The following ATF6 variants were observed in gnomAD, a reference collection of about 807,000 sequenced individuals.
ATF6 encodes activating transcription factor 6.
ATF6 carries 53 observed loss-of-function variants against 83.6 expected under a neutral mutation model. That is an observed-to-expected ratio of 0.63 (90% CI 0.51 to 0.80). The LOEUF (loss-of-function observed/expected upper bound fraction) is 0.80. Among genes scored for constraint, ATF6 ranks in the 30% least tolerant of loss-of-function variants. The pLI is 0.00. For missense variants in ATF6, 744 were observed against 797.9 expected (o/e 0.93, Z 0.81); for synonymous variants, 288 against 285.8 (o/e 1.01, Z -0.08).
At chr1:161,875,048 T>C (rs975541015) in intron 14 of ATF6, among the ~76,000 whole-genome samples, 3 of 151,736 alleles carry the variant, frequency 2.0e-5, no homozygotes, top group Non-Finnish European at 4.4e-5. Context: ...AAAGAAACAT[T>C]AATGAGAAGA....
In ATF6 at chr1:161,797,980, C is replaced by T. The variant is rs111766417; in HGVS notation, c.689-4072C>T. 3.3e-3 allele frequency among the ~76,000 whole-genome samples: 506 copies of T among 152,204 alleles called. 4 individuals carry two copies. The highest frequency in any genetic ancestry group is 9.6e-3 in the African/African-American group (398 of 41,526). ...CTGGTATAAAAACAGGCACATAGAC[C>T]GATGGATTAGATTAGAGAACCCAGA... On this transcript the variant is annotated intron_variant, in intron 6 of 15. Coordinates refer to ENST00000367942, the MANE Select transcript of ATF6 (RefSeq NM_007348.4).
intron 7 of ATF6, among the ~76,000 whole-genome samples, chr1:161,818,367 CA>C (rs919972956): frequency 6.6e-6 from 1 of 152,118 alleles, no homozygotes; most frequent in African/African-American, 2.4e-5. Flanking sequence ...ATTTAGAAAA[CA>C]TAACAAAAAT....
intron 15 of ATF6, among the ~76,000 whole-genome samples, chr1:161,936,524 A>G (rs973427093): frequency 5.9e-5 from 9 of 152,116 alleles, no homozygotes; most frequent in African/African-American, 9.6e-5. Flanking sequence ...TCTCTGTTCT[A>G]CCCTATCTCT....
In ATF6 at chr1:161,804,705, C is replaced by T. The variant is rs148402970; in HGVS notation, c.909+2433C>T. On this transcript the variant is annotated intron_variant, in intron 7 of 15. Transcript: ENST00000367942. ...TTTTTTTTTTCTACTTTTAGGCTTA[C>T]TATCTGAATAATGAGCATCTTAATG... Among the ~76,000 whole-genome samples the T allele has an allele frequency of 7.5e-3, 1,129 of 150,580 alleles. 9 individuals carry two copies. Among genetic ancestry groups the T allele is most frequent in the Middle Eastern group, 0.017 (5 of 294 alleles).
At chr1:161,926,807 C>A (rs146354257) in intron 15 of ATF6, among the ~76,000 whole-genome samples, 157 of 152,166 alleles carry the variant, frequency 1.0e-3, no homozygotes, top group African/African-American at 3.7e-3. Flanking sequence ...GCAGAACACT[C>A]CACCTAGAAA....
At chr1:161,854,898 C>A (rs1686724613) in intron 12 of ATF6, among the ~76,000 whole-genome samples, 1 of 151,700 alleles carries the variant, frequency 6.6e-6, no homozygotes, top group South Asian at 2.1e-4. Context: ...AGGGGAAAAT[C>A]TGGAGAAAGA....
chr1:161,815,499 G>A (rs575837816), intron 7 of ATF6, among the ~76,000 whole-genome samples: 8 of 151,758 alleles, frequency 5.3e-5, no homozygotes, highest in African/African-American at 1.9e-4. Flanking sequence ...CTCCTATCTA[G>A]TATTATATCT....
At chr1:161,928,627 T>TTA (rs113986774) in intron 15 of ATF6, among the ~76,000 whole-genome samples, 17 of 151,240 alleles carry the variant, frequency 1.1e-4, no homozygotes, top group African/African-American at 3.2e-4. Context: ...GCCTTTTTTT[T>TTA]AAAAAAAAAA....
intron 7 of ATF6, among the ~76,000 whole-genome samples, chr1:161,813,471 T>C (rs1489756770): frequency 6.6e-6 from 1 of 152,204 alleles, no homozygotes; most frequent in African/African-American, 2.4e-5. Flanking sequence ...GGCTTTAAAC[T>C]TTTTTGTACA....
chr1:161,888,455 TTGAA>T (rs1281641218), intron 14 of ATF6, among the ~76,000 whole-genome samples: 1 of 152,194 alleles, frequency 6.6e-6, no homozygotes. Context: ...TTCCCCTAGC[TTGAA>T]TGTAGTAAAT....
chr1:161,777,810 G>A (rs16843981), intron 1 of ATF6, among the ~76,000 whole-genome samples: 1,983 of 152,242 alleles, frequency 0.013, 49 homozygotes, highest in African/African-American at 0.044. Context: ...CTTAAGGCAT[G>A]GATAACAAAT....
chr1:161,941,342 C>G (rs1688638231), intron 15 of ATF6, among the ~76,000 whole-genome samples: 1 of 152,180 alleles, frequency 6.6e-6, no homozygotes, highest in African/African-American at 2.4e-5. Context: ...GTTTGTGAGG[C>G]CCAGCTATAG....
At chr1:161,941,285 G>C (rs1032307310) in intron 15 of ATF6, among the ~76,000 whole-genome samples, 4 of 152,208 alleles carry the variant, frequency 2.6e-5, no homozygotes, top group African/African-American at 9.7e-5. Flanking sequence ...CATAATGCCT[G>C]ATAGTGCAAA....
At chr1:161,882,120 G>T (rs74328646) in intron 14 of ATF6, among the ~76,000 whole-genome samples, 2,326 of 152,174 alleles carry the variant, frequency 0.015, 29 homozygotes, top group Middle Eastern at 0.024. Flanking sequence ...CCTTGACTTT[G>T]TTAGGTTGCA....
At chr1:161,795,298 ATT>A (rs1684988993) in intron 6 of ATF6, among the ~76,000 whole-genome samples, 1 of 152,128 alleles carries the variant, frequency 6.6e-6, no homozygotes, top group South Asian at 2.1e-4. Flanking sequence ...AGAAAAGGAG[ATT>A]AATAATAATA....
intron 15 of ATF6, among the ~76,000 whole-genome samples, chr1:161,913,574 A>T (rs975884508): frequency 1.1e-4 from 16 of 152,236 alleles, no homozygotes; most frequent in African/African-American, 3.9e-4. Context: ...ACTTAGCCTT[A>T]CAAAGACATT....
chr1:161,864,138 C>T (rs1054438719), intron 14 of ATF6, among the ~76,000 whole-genome samples: 3 of 151,664 alleles, frequency 2.0e-5, no homozygotes, highest in African/African-American at 7.3e-5. Flanking sequence ...ACTCAAACCC[C>T]TGGGCTCAAG....
At chr1:161,815,184 ATTTTTTTTTTT>A (rs34687938) in intron 7 of ATF6, among the ~76,000 whole-genome samples, 3 of 96,452 alleles carry the variant, frequency 3.1e-5, no homozygotes, top group African/African-American at 9.5e-5. Context: ...TCCCATTTTA[ATTTTTTTTTTT>A]TTTTTTTTTT....
chr1:161,775,133 T>C (rs1323290227), intron 1 of ATF6, among the ~76,000 whole-genome samples: 1 of 152,182 alleles, frequency 6.6e-6, no homozygotes, highest in Non-Finnish European at 1.5e-5. Context: ...AAATTTGGCA[T>C]CAGAATAAAA....
Sources: gnomAD v4.1 joint callset for allele counts (sites outside exome capture counted in the v4.1 genomes callset) on GRCh38, gnomAD v4.1.1 for gene constraint, MANE v1.5 for transcripts, NCBI Gene and HGNC (gene_info 2026-07-23, HGNC 2026-07-21) for gene names.